Variants in AFDN observed in about 807,000 individuals in gnomAD.
The protein encoded by AFDN is afadin, adherens junction formation factor.
AFDN carries 68 observed loss-of-function variants against 216.6 expected under a neutral mutation model. The observed-to-expected ratio is 0.31, with a 90% CI of 0.26 to 0.38. The LOEUF (loss-of-function observed/expected upper bound fraction) is 0.38. AFDN is among the 10% of genes least tolerant of loss of function. The pLI, the probability that AFDN is intolerant of heterozygous loss-of-function variation, is 1.00. For synonymous variants in AFDN, 868 were observed against 853.7 expected (o/e 1.02, Z -0.29); for missense variants, 2,136 against 2,342.0 (o/e 0.91, Z 1.82).
At chr6:167,968,205 C>T (rs1310943890) in intron 32 of AFDN, among the ~76,000 whole-genome samples, 1 of 152,180 alleles carries the variant, frequency 6.6e-6, no homozygotes, top group Admixed American at 6.5e-5. Flanking sequence ...AAAATGTCTC[C>T]ATGCGGTAAT....
At chr6:167,827,308 C>G in intron 1 of AFDN, 71 bp downstream of exon 1, 1 of 593,998 alleles carries the variant, frequency 1.7e-6, no homozygotes, top group Non-Finnish European at 2.1e-6. Flanking sequence ...TCCCCCCCGC[C>G]GCCGCCCGCC....
chr6:167,949,404 G>A (rs1795706800), intron 29 of AFDN, among the ~76,000 whole-genome samples: 1 of 152,206 alleles, frequency 6.6e-6, no homozygotes, highest in Non-Finnish European at 1.5e-5. Flanking sequence ...GGATTGCACT[G>A]AGGAGATGGA....
chr6:167,827,346 T>TCCCCCCTCCGCCCCTTCTCTCCC (rs1779230990), intron 1 of AFDN, 109 bp downstream of exon 1: 1 of 119,134 alleles, frequency 8.4e-6, no homozygotes, highest in Non-Finnish European at 1.4e-5. Context: ...CCTTTCCCCC[T>TCCCCCCTCCGCCCCTTCTCTCCC]CCCCCCTCCG....
At chr6:167,954,501 C>G (rs193133963) in intron 30 of AFDN, 3 of 1,595,194 alleles carry the variant, frequency 1.9e-6, no homozygotes, top group South Asian at 1.1e-5. Context: ...TTGGTATGTT[C>G]TTGTTTCTTT....
intron 33 of AFDN, 91 bp from the exon 34 acceptor site, chr6:167,969,691 A>C (rs917952415): frequency 1.8e-5 from 23 of 1,257,264 alleles, no homozygotes; most frequent in Middle Eastern, 3.9e-4. Flanking sequence ...AATGAGTGAA[A>C]ATTTTAATCG....
chr6:167,964,666 C>G (rs1797364243), intron 31 of AFDN: 15 of 1,025,432 alleles, frequency 1.5e-5, no homozygotes, highest in Non-Finnish European at 1.6e-5. Context: ...GTGTGTAGCT[C>G]TAGAGGGAGT....
intron 29 of AFDN, among the ~76,000 whole-genome samples, chr6:167,949,221 T>C (rs930213314): frequency 6.6e-6 from 1 of 152,198 alleles, no homozygotes; most frequent in African/African-American, 2.4e-5. Context: ...ATTAAAGGTA[T>C]GCTTAAAAAT....
chr6:167,854,622 A>G (rs1462501701), intron 1 of AFDN, among the ~76,000 whole-genome samples: 2 of 151,932 alleles, frequency 1.3e-5, no homozygotes, highest in South Asian at 2.1e-4. Flanking sequence ...AGTGTGATGT[A>G]TAGATCCAGT....
intron 26 of AFDN, 81 bp downstream of exon 26, chr6:167,944,140 T>C: frequency 9.3e-7 from 1 of 1,078,968 alleles, no homozygotes; most frequent in South Asian, 1.4e-5. Context: ...GAGGAGGTAC[T>C]GGTGTTACTA....
intron 1 of AFDN, among the ~76,000 whole-genome samples, chr6:167,840,083 C>A (rs181785496): frequency 6.6e-6 from 1 of 152,220 alleles, no homozygotes; most frequent in East Asian, 1.9e-4. Flanking sequence ...GAGGGGAGAC[C>A]CGGTAGGTAG....
chr6:167,970,363 G>T lies in AFDN; in HGVS notation c.*428G>T. ...TATTTTAGCTGTCAAGCAGAGAATA[G>T]CTTGAACTATTCAGACTATTGTTGG... On this transcript the variant is annotated 3_prime_UTR_variant, in exon 34 of 34. Coordinates refer to ENST00000683244, the MANE Select transcript of AFDN (RefSeq NM_001386888.1). 4.0e-6 allele frequency: 1 copy of T among 250,752 alleles called. No individual in the cohort carries two copies. The allele number at this position is 250,752 out of a possible 1,614,324, so 15.5% of individuals were successfully genotyped here. A position where few individuals can be genotyped will look rare whatever the true frequency, so the allele number is the denominator to read the frequency against.
chr6:167,894,798 T>C (rs1043956699), intron 9 of AFDN, among the ~76,000 whole-genome samples: 1 of 152,188 alleles, frequency 6.6e-6, no homozygotes, highest in African/African-American at 2.4e-5. Context: ...TGTAGAAAGG[T>C]GTGTGATAGC....
intron 4 of AFDN, among the ~76,000 whole-genome samples, chr6:167,873,260 C>G (rs566714061): frequency 6.6e-6 from 1 of 152,270 alleles, no homozygotes; most frequent in Non-Finnish European, 1.5e-5. Context: ...TGTTTTTTCT[C>G]TATAAATGTT....
In AFDN at chr6:167,947,903, G is replaced by A. The variant is rs201011566; in HGVS notation, c.3604G>A (p.Ala1202Thr). The A allele has an allele frequency of 2.9e-5, 47 of 1,613,906 alleles. No homozygotes were observed. In the African/African-American group the frequency reaches 5.3e-4, roughly 18 times the overall value. ...AAGTGCATATGCCTCTGGAACAACAGCGAAGATAACATCTGTCTCTACTGG... is the reference window on the plus strand; with the variant it reads ...AAGTGCATATGCCTCTGGAACAACAACGAAGATAACATCTGTCTCTACTGG... Reference protein sequence around the residue: ...GKSAYASGTTAKITSVSTGNL... With the variant: ...GKSAYASGTTTKITSVSTGNL... The change falls in exon 28 of 34, where the codon GCG becomes ACG. Residue 1202 changes from alanine (A) to threonine (T), a missense_variant. Coordinates refer to ENST00000683244, the MANE Select transcript of AFDN (RefSeq NM_001386888.1).
At chr6:167,899,965 A>T (rs1178604395) in intron 11 of AFDN, among the ~76,000 whole-genome samples, 3 of 152,154 alleles carry the variant, frequency 2.0e-5, no homozygotes, top group Admixed American at 6.6e-5. Flanking sequence ...TATGTGTGAG[A>T]CAATCTCCTA....
chr6:167,913,400 C>T lies in AFDN; in HGVS notation c.2038-3C>T, dbSNP rs1279227716. 1.3e-6 allele frequency: 2 copies of T among 1,535,700 alleles called. No individual in the cohort carries two copies. The highest frequency in any genetic ancestry group is 2.7e-5 in the African/African-American group (2 of 72,944). ...TGATTTCCCCTCGTCTGTTTTTCTC[C>T]AGGAAGTAGACCAGGTTGACCAGGT... On this transcript the variant is annotated splice_polypyrimidine_tract_variant and splice_region_variant and intron_variant, in intron 15 of 33. Coordinates refer to ENST00000683244, the MANE Select transcript of AFDN (RefSeq NM_001386888.1).
At chr6:167,921,944 T>G (rs1302999109) in intron 21 of AFDN, among the ~76,000 whole-genome samples, 1 of 152,228 alleles carries the variant, frequency 6.6e-6, no homozygotes, top group Non-Finnish European at 1.5e-5. Context: ...GTTGAACCAC[T>G]GGAATGGGTG....
At chr6:167,961,762 G>C (rs1797060111) in intron 30 of AFDN, among the ~76,000 whole-genome samples, 1 of 152,180 alleles carries the variant, frequency 6.6e-6, no homozygotes, top group Non-Finnish European at 1.5e-5. Context: ...AGCCGAGATA[G>C]GGCTCCTTCC....
chr6:167,865,181 A>G (rs1458816093), intron 2 of AFDN, among the ~76,000 whole-genome samples: 1 of 152,174 alleles, frequency 6.6e-6, no homozygotes, highest in Admixed American at 6.5e-5. Flanking sequence ...TTCTGAAACA[A>G]TACATTTTCA....
Sources: allele counts gnomAD v4.1 joint callset (sites outside exome capture counted in the v4.1 genomes callset), GRCh38; gene constraint gnomAD v4.1.1; transcripts MANE v1.5; gene names NCBI Gene and HGNC (gene_info 2026-07-23, HGNC 2026-07-21).